Variants in STX8 observed in about 807,000 individuals in gnomAD.
The protein encoded by STX8 is syntaxin 8.
A neutral mutation model predicts 37.5 loss-of-function variants in STX8; 23 were observed. The observed-to-expected ratio is 0.61, with a 90% CI of 0.44 to 0.87. The LOEUF is 0.87. Among genes scored for constraint, STX8 ranks in the 40% least tolerant of loss-of-function variants. STX8 has a pLI of 0.00. For missense variants in STX8, 313 were observed against 284.7 expected, an observed-to-expected ratio of 1.10 and a Z score of -0.71; for synonymous variants, 115 against 99.1, an observed-to-expected ratio of 1.16 and a Z score of -0.95.
At chr17:9,304,497 G>A (rs1597593990) in intron 7 of STX8, among the ~76,000 whole-genome samples, 1 of 78,152 alleles carries the variant, frequency 1.3e-5, no homozygotes, top group Admixed American at 2.0e-4. Context: ...CAACAAGAGC[G>A]AAACTGTCTC....
At position 9,376,388 on chromosome 17, in the gene STX8, C is replaced by T. The variant is rs182152515; in HGVS notation, c.643+2164G>A. On this transcript the variant is annotated intron_variant, in intron 7 of 7. Coordinates refer to ENST00000306357, the MANE Select transcript of STX8 (RefSeq NM_004853.3). ...CTGTGTCTAGCTTAAGGTTTGTAAA[C>T]GCACCAATCAGCACTCTGTAAAAAT... Among the ~76,000 whole-genome samples, 625 of 152,164 alleles carry T rather than the reference C, an allele frequency of 4.1e-3. 1 individual carries two copies. The highest frequency in any genetic ancestry group is 7.2e-3 in the African/African-American group (300 of 41,492).
rs73976028 is a variant in STX8, at chr17:9,279,792, A to T, written c.644-29147T>A. ...GGTTTTCCTCTTCAAGAACTGCAGGAGACAAAATTATTATTTGCAGATAAT... is the reference window on the plus strand; with the variant it reads ...GGTTTTCCTCTTCAAGAACTGCAGGTGACAAAATTATTATTTGCAGATAAT... On this transcript the variant is annotated intron_variant, in intron 7 of 7. Coordinates refer to ENST00000306357, the MANE Select transcript of STX8 (RefSeq NM_004853.3). Among the ~76,000 whole-genome samples, 637 of 152,354 alleles carry T rather than the reference A, an allele frequency of 4.2e-3. 4 individuals carry two copies. The highest frequency in any genetic ancestry group is 0.014 in the African/African-American group (600 of 41,584).
At chr17:9,461,376 C>G (rs1276395609) in intron 6 of STX8, 3 of 152,094 alleles carry the variant, frequency 2.0e-5, no homozygotes, top group African/African-American at 4.8e-5. Context: ...AGGGTGCACA[C>G]CCTCCACCTA....
intron 6 of STX8, among the ~76,000 whole-genome samples, chr17:9,420,654 T>A (rs893408866): frequency 5.3e-5 from 8 of 152,188 alleles, no homozygotes; most frequent in African/African-American, 1.9e-4. Flanking sequence ...AGGTTAAGTC[T>A]ACAATTCTGC....
intron 4 of STX8, among the ~76,000 whole-genome samples, chr17:9,519,984 G>A (rs1017492966): frequency 7.2e-5 from 11 of 152,100 alleles, no homozygotes; most frequent in Admixed American, 2.6e-4. Flanking sequence ...TTTATCAAGC[G>A]GGATTGTAGT....
At chr17:9,492,145 A>C (rs1024298411) in intron 5 of STX8, among the ~76,000 whole-genome samples, 1 of 152,184 alleles carries the variant, frequency 6.6e-6, no homozygotes, top group Non-Finnish European at 1.5e-5. Flanking sequence ...TGAAAAACAA[A>C]GTAAGATTTG....
At chr17:9,270,035 C>T (rs755158807) in intron 7 of STX8, among the ~76,000 whole-genome samples, 1 of 152,250 alleles carries the variant, frequency 6.6e-6, no homozygotes, top group South Asian at 2.1e-4. Context: ...GATTTACCTT[C>T]CCCGATGGCC....
intron 5 of STX8, among the ~76,000 whole-genome samples, chr17:9,504,217 G>A (rs531697697): frequency 3.3e-5 from 5 of 151,764 alleles, no homozygotes; most frequent in African/African-American, 1.2e-4. Flanking sequence ...ATATTAATCT[G>A]TTTCCAGTTT....
intron 6 of STX8, among the ~76,000 whole-genome samples, chr17:9,445,044 G>A (rs562728249): frequency 2.0e-5 from 3 of 151,456 alleles, no homozygotes; most frequent in South Asian, 2.1e-4. Context: ...TGTGTAGTTC[G>A]AGTGGAGAAG....
In STX8 at chr17:9,404,487, G is replaced by A. The variant is rs141654188; in HGVS notation, c.542-25834C>T. 2.0e-4 allele frequency among the ~76,000 whole-genome samples: 30 copies of A among 151,326 alleles called. 1 individual carries two copies. In the East Asian group the frequency reaches 4.5e-3, roughly 23 times the overall value. The stretch of plus-strand genomic sequence containing the variant: ...TCTTTTTTTTTTTGGATGGAGTCTC[G>A]CTCTGTCACCACGCTGGAGTGCAGT... On this transcript the variant is annotated intron_variant, in intron 6 of 7. Transcript: ENST00000306357.
intron 5 of STX8, among the ~76,000 whole-genome samples, chr17:9,498,072 G>T (rs1005502122): frequency 6.6e-6 from 1 of 152,060 alleles, no homozygotes; most frequent in Non-Finnish European, 1.5e-5. Context: ...CCTCAATAAA[G>T]GAAGGTAGGA....
At chr17:9,454,794 A>C (rs1905142822) in intron 6 of STX8, among the ~76,000 whole-genome samples, 1 of 152,204 alleles carries the variant, frequency 6.6e-6, no homozygotes, top group Admixed American at 6.5e-5. Flanking sequence ...ACCACATATA[A>C]GGGGGAACTA....
chr17:9,380,417 T>C (rs1011735943), intron 6 of STX8, among the ~76,000 whole-genome samples: 2 of 151,776 alleles, frequency 1.3e-5, no homozygotes, highest in Admixed American at 1.3e-4. Context: ...CACTCCCAGG[T>C]TATTGTTTAA....
chr17:9,456,290 T>G (rs1427629614), intron 6 of STX8, among the ~76,000 whole-genome samples: 1 of 152,218 alleles, frequency 6.6e-6, no homozygotes, highest in Non-Finnish European at 1.5e-5. Context: ...GCGAGTCTTG[T>G]GGGTCTCAGG....
At chr17:9,266,781 G>A (rs928680332) in intron 7 of STX8, among the ~76,000 whole-genome samples, 1 of 152,118 alleles carries the variant, frequency 6.6e-6, no homozygotes, top group South Asian at 2.1e-4. Context: ...GAAGAAATAT[G>A]ACTGTTTAAG....
intron 7 of STX8, among the ~76,000 whole-genome samples, chr17:9,333,827 GCTCAATGGGTTCACCTTA>G (rs2142221260): frequency 6.6e-6 from 1 of 152,266 alleles, no homozygotes; most frequent in South Asian, 2.1e-4. Context: ...CTGCCTAACT[GCTCAATGGGTTCACCTTA>G]CCCAATTTGT....
At position 9,279,076 on chromosome 17, in the gene STX8, T is replaced by A. The variant is rs576637848; in HGVS notation, c.644-28431A>T. On this transcript the variant is annotated intron_variant, in intron 7 of 7. Coordinates refer to ENST00000306357, the MANE Select transcript of STX8 (RefSeq NM_004853.3). ...TGTGTTTTTTGTTTTTTGTTTTTTT[T>A]TTTTGAGATGGGGTTTCACTCTTGT... Among the ~76,000 whole-genome samples the A allele has an allele frequency of 2.0e-4, 31 of 152,056 alleles. No homozygotes were observed. The East Asian group carries it at 4.8e-3, about 24-fold the overall frequency.
chr17:9,274,861 C>T (rs1427026388), intron 7 of STX8, among the ~76,000 whole-genome samples: 5 of 147,230 alleles, frequency 3.4e-5, no homozygotes, highest in African/African-American at 9.9e-5. Flanking sequence ...AGCAATTCTC[C>T]TGCTTCAGCC....
At chr17:9,394,608 G>A (rs1912332239) in intron 6 of STX8, among the ~76,000 whole-genome samples, 1 of 151,450 alleles carries the variant, frequency 6.6e-6, no homozygotes, top group Non-Finnish European at 1.5e-5. Flanking sequence ...CAAGTGATCA[G>A]CCTGCCTCAG....
Sources: gnomAD v4.1 joint callset for allele counts (sites outside exome capture counted in the v4.1 genomes callset) on GRCh38, gnomAD v4.1.1 for gene constraint, MANE v1.5 for transcripts, NCBI Gene and HGNC (gene_info 2026-07-23, HGNC 2026-07-21) for gene names.